The following CNTNAP2 variants were observed in gnomAD, a reference collection of about 807,000 sequenced individuals.
The protein encoded by CNTNAP2 is contactin associated protein 2, also known as contactin-associated protein-like 2.
In CNTNAP2, 98 loss-of-function variants were observed where a neutral mutation model predicts 155.2. That is an observed-to-expected ratio of 0.63 (90% confidence interval 0.54 to 0.75). The LOEUF (loss-of-function observed/expected upper bound fraction) is 0.75, where lower values mean the gene tolerates loss of function less well. Among genes scored for constraint, CNTNAP2 ranks in the 30% least tolerant of loss-of-function variants. The pLI is 0.00. For synonymous variants in CNTNAP2, 651 were observed against 631.2 expected, an observed-to-expected ratio of 1.03 and a Z score of -0.47; for missense variants, 1,727 against 1,688.1, an observed-to-expected ratio of 1.02 and a Z score of -0.40.
At chr7:147,792,734 G>C (rs924797502) in intron 13 of CNTNAP2, among the ~76,000 whole-genome samples, 1 of 151,988 alleles carries the variant, frequency 6.6e-6, no homozygotes, top group Non-Finnish European at 1.5e-5. Context: ...TGAATTGCTG[G>C]GCTATATTGT....
chr7:147,111,860 T>A lies in CNTNAP2; in HGVS notation c.754+3510T>A, dbSNP rs146322674. ...TGTTGGCCATTGGACTCTTTTTTGG[T>A]TCCATGTGAATTTTTAAATAGTTTT... is the stretch of plus-strand genomic sequence containing the variant. On this transcript the variant is annotated intron_variant, in intron 5 of 23. Transcript: ENST00000361727. Among the ~76,000 whole-genome samples the A allele has an allele frequency of 3.7e-4, 56 of 152,290 alleles. No homozygotes were observed. In the East Asian group the frequency reaches 5.8e-3, roughly 16 times the overall value.
chr7:147,809,789 C>T (rs1202553132), intron 13 of CNTNAP2, among the ~76,000 whole-genome samples: 1 of 152,212 alleles, frequency 6.6e-6, no homozygotes, highest in East Asian at 1.9e-4. Context: ...AAAATCTACA[C>T]TGCAGAGACA....
chr7:147,382,426 G>A (rs1435794627), intron 9 of CNTNAP2, among the ~76,000 whole-genome samples: 1 of 152,162 alleles, frequency 6.6e-6, no homozygotes, highest in Non-Finnish European at 1.5e-5. Flanking sequence ...GGATGGAAGT[G>A]CCAGGATCAA....
chr7:146,447,378 C>A (rs1449861446), intron 1 of CNTNAP2, among the ~76,000 whole-genome samples: 1 of 151,944 alleles, frequency 6.6e-6, no homozygotes, highest in East Asian at 1.9e-4. Flanking sequence ...TTCAGCAATG[C>A]ATTAGTATTT....
At chr7:146,492,315 A>AT (rs1797153393) in intron 1 of CNTNAP2, among the ~76,000 whole-genome samples, 1 of 152,084 alleles carries the variant, frequency 6.6e-6, no homozygotes, top group African/African-American at 2.4e-5. Context: ...TAAAAATAGA[A>AT]TTTGACAAGC....
At chr7:147,511,840 C>T (rs547244945) in intron 11 of CNTNAP2, among the ~76,000 whole-genome samples, 24 of 152,208 alleles carry the variant, frequency 1.6e-4, no homozygotes, top group South Asian at 1.2e-3. Flanking sequence ...TAAGAGCTAA[C>T]CTATTTTCTC....
At chr7:146,318,795 T>G (rs1416730135) in intron 1 of CNTNAP2, among the ~76,000 whole-genome samples, 1 of 152,134 alleles carries the variant, frequency 6.6e-6, no homozygotes, top group African/African-American at 2.4e-5. Context: ...AATACTTAAA[T>G]ATGTAAATTG....
chr7:146,366,364 A>C (rs1795155623), intron 1 of CNTNAP2, among the ~76,000 whole-genome samples: 1 of 152,104 alleles, frequency 6.6e-6, no homozygotes, highest in Non-Finnish European at 1.5e-5. Flanking sequence ...ATCAAGTATA[A>C]GTTATTAGAG....
At chr7:148,300,812 G>A (rs917997408) in intron 21 of CNTNAP2, among the ~76,000 whole-genome samples, 1 of 152,168 alleles carries the variant, frequency 6.6e-6, no homozygotes, top group Non-Finnish European at 1.5e-5. Context: ...ATACTTAGAG[G>A]AGTTGAAATC....
chr7:147,246,596 C>A (rs906587667), intron 8 of CNTNAP2, among the ~76,000 whole-genome samples: 3 of 152,120 alleles, frequency 2.0e-5, no homozygotes, highest in Non-Finnish European at 4.4e-5. Context: ...GTTCTGTTCT[C>A]ATAATCTAAT....
intron 15 of CNTNAP2, among the ~76,000 whole-genome samples, chr7:148,038,870 G>GGATGGATA (rs936113216): frequency 8.9e-5 from 10 of 112,742 alleles, no homozygotes; most frequent in Admixed American, 2.7e-4. Context: ...ATGGATGGAT[G>GGATGGATA]GATAGATAGA....
chr7:147,250,579 T>C (rs747938329), intron 8 of CNTNAP2, among the ~76,000 whole-genome samples: 2 of 148,522 alleles, frequency 1.3e-5, no homozygotes, highest in Admixed American at 1.3e-4. Context: ...CTCATGTGTC[T>C]GGATTCTCAG....
At chr7:146,555,764 C>A (rs1243024898) in intron 1 of CNTNAP2, among the ~76,000 whole-genome samples, 1 of 152,166 alleles carries the variant, frequency 6.6e-6, no homozygotes, top group Non-Finnish European at 1.5e-5. Context: ...AAAACAGAGC[C>A]TTTGGCATCA....
intron 16 of CNTNAP2, among the ~76,000 whole-genome samples, chr7:148,144,278 T>C (rs746265095): frequency 3.3e-5 from 5 of 152,212 alleles, no homozygotes; most frequent in Non-Finnish European, 7.3e-5. Context: ...AAATATAATG[T>C]CACTCTCCGG....
intron 1 of CNTNAP2, among the ~76,000 whole-genome samples, chr7:146,506,000 T>C (rs1301853713): frequency 6.6e-6 from 1 of 152,208 alleles, no homozygotes; most frequent in Non-Finnish European, 1.5e-5. Flanking sequence ...ACCAGTAGTT[T>C]GTGGGTTATA....
At chr7:147,807,434 A>G (rs762998183) in intron 13 of CNTNAP2, among the ~76,000 whole-genome samples, 7 of 151,934 alleles carry the variant, frequency 4.6e-5, no homozygotes, top group Non-Finnish European at 7.4e-5. Flanking sequence ...TACACCTTGC[A>G]TGCTGTATCA....
In CNTNAP2 at chr7:147,266,264, A is replaced by C. The variant is rs570026384; in HGVS notation, c.1349-33877A>C. 3.3e-5 allele frequency among the ~76,000 whole-genome samples: 5 copies of C among 152,364 alleles called. No homozygotes were observed. The South Asian group carries it at 8.3e-4, about 25-fold the overall frequency. On this transcript the variant is annotated intron_variant, in intron 8 of 23. Transcript: ENST00000361727. ...AAAGGCTACAGGAGCTGCTAACTAG[A>C]ATAACCAGTTGAGAGAGAAACATAA...
intron 15 of CNTNAP2, among the ~76,000 whole-genome samples, chr7:148,103,171 T>C (rs2116584063): frequency 6.6e-6 from 1 of 151,416 alleles, no homozygotes; most frequent in South Asian, 2.1e-4. Context: ...CTGTCCTTTG[T>C]CCACAAGGAT....
At chr7:148,321,185 A>AG (rs1366932748) in intron 21 of CNTNAP2, among the ~76,000 whole-genome samples, 1 of 152,160 alleles carries the variant, frequency 6.6e-6, no homozygotes, top group Non-Finnish European at 1.5e-5. Flanking sequence ...TTTATTTGGT[A>AG]GGCAGTGGAG....
Sources: allele counts gnomAD v4.1 joint callset (sites outside exome capture counted in the v4.1 genomes callset), GRCh38; gene constraint gnomAD v4.1.1; transcripts MANE v1.5; gene names NCBI Gene and HGNC (gene_info 2026-07-23, HGNC 2026-07-21).